ALDH6A1: variants seen among roughly 807,000 people sequenced by gnomAD.
The protein encoded by ALDH6A1 is aldehyde dehydrogenase 6 family member A1, also known as methylmalonate-semialdehyde/malonate-semialdehyde dehydrogenase [acylating], mitochondrial.
Under a neutral mutation model 62.6 loss-of-function variants are expected in ALDH6A1, and 43 were observed. The observed-to-expected ratio is 0.69, with a 90% CI of 0.54 to 0.89. The LOEUF (loss-of-function observed/expected upper bound fraction) is 0.89. Among genes scored for constraint, ALDH6A1 ranks in the 40% least tolerant of loss-of-function variants. ALDH6A1 has a pLI of 0.00. For synonymous variants in ALDH6A1, 194 were observed against 234.2 expected (o/e 0.83, Z 1.57); for missense variants, 551 against 661.3 (o/e 0.83, Z 1.83).
In ALDH6A1 at chr14:74,071,180, C is replaced by G. The variant is rs1301625276; in HGVS notation, c.730+15G>C. The G allele has an allele frequency of 6.2e-7, 1 of 1,610,280 alleles. No individual in the cohort carries two copies. Among genetic ancestry groups the G allele is most frequent in the Non-Finnish European group, 8.5e-7 (1 of 1,176,726 alleles). ...GGTAGCCAGATTAAGTAGCCATATG[C>G]ATAAGGGCAGTTACCTTCATGCTGT... On this transcript the variant is annotated intron_variant, in intron 6 of 11. Coordinates refer to ENST00000553458, the MANE Select transcript of ALDH6A1 (RefSeq NM_005589.4).
At chr14:74,064,673 T>C in intron 11 of ALDH6A1, 149 bp downstream of exon 11, 3 of 1,614,034 alleles carry the variant, frequency 1.9e-6, no homozygotes, top group Non-Finnish European at 2.5e-6. Context: ...TTGTTAACTT[T>C]TAAATCTTTT....
intron 1 of ALDH6A1, chr14:74,078,453 A>G: frequency 3.7e-6 from 1 of 271,562 alleles, no homozygotes; most frequent in Non-Finnish European, 7.3e-6. Context: ...TCCTGGGCTC[A>G]AGCCATCTTC....
chr14:74,065,569 G>T, intron 9 of ALDH6A1: 1 of 570,454 alleles, frequency 1.8e-6, no homozygotes. Flanking sequence ...AAACAACTTG[G>T]AATTCCTATC....
intron 1 of ALDH6A1, chr14:74,078,286 A>C (rs1330383802): frequency 4.4e-6 from 2 of 455,844 alleles, no homozygotes; most frequent in South Asian, 3.1e-5. Flanking sequence ...GGTAGCCAGC[A>C]AGCTCCATGC....
Position 74,057,432 on chromosome 14 carries a change from A to C in ALDH6A1, c.*3210T>G. 6.6e-7 allele frequency: 1 copy of C among 1,505,932 alleles called. No individual in the cohort carries two copies. Among genetic ancestry groups the C allele is most frequent in the Non-Finnish European group, 8.8e-7 (1 of 1,130,550 alleles). 93.3% of individuals were successfully genotyped at this position (1,505,932 alleles called of 1,614,324 possible). ...AATTTTTAAAGCAATATCCGTACAA[A>C]TGCATATTATACTAATGCAAATGCA... is the stretch of plus-strand genomic sequence containing the variant. On this transcript the variant is annotated 3_prime_UTR_variant, in exon 12 of 12. Coordinates refer to ENST00000553458, the MANE Select transcript of ALDH6A1 (RefSeq NM_005589.4).
chr14:74,076,015 G>T (rs1474644495), intron 1 of ALDH6A1, among the ~76,000 whole-genome samples: 1 of 152,146 alleles, frequency 6.6e-6, no homozygotes, highest in Non-Finnish European at 1.5e-5. Flanking sequence ...TAACACTAGA[G>T]AATGCAAACA....
intron 3 of ALDH6A1, 61 bp downstream of exon 3, chr14:74,072,476 G>T: frequency 6.2e-7 from 1 of 1,612,974 alleles, no homozygotes; most frequent in East Asian, 2.2e-5. Context: ...GTCCCTTCTT[G>T]CCCATCATGT....
At chr14:74,081,869 G>A (rs563187727) in intron 1 of ALDH6A1, among the ~76,000 whole-genome samples, 69 of 152,212 alleles carry the variant, frequency 4.5e-4, no homozygotes, top group Admixed American at 1.4e-3. Context: ...TTACTAGTTC[G>A]GTAACCATAT....
intron 8 of ALDH6A1, 95 bp downstream of exon 8, chr14:74,067,285 C>T (rs559759955): frequency 7.3e-7 from 1 of 1,373,700 alleles, no homozygotes. Flanking sequence ...CAAGAATAGA[C>T]ATGATTGTTC....
rs2139721320 is a variant in ALDH6A1 at position 74,060,221 on chromosome 14, A to C, written c.*421T>G. The C allele has an allele frequency of 6.1e-6, 1 of 162,684 alleles. No homozygotes were observed. Among genetic ancestry groups the C allele is most frequent in the Middle Eastern group, 3.1e-3 (1 of 320 alleles). 10.1% of individuals were successfully genotyped at this position (162,684 alleles called of 1,614,324 possible). On this transcript the variant is annotated 3_prime_UTR_variant, in exon 12 of 12. Coordinates refer to ENST00000553458, the MANE Select transcript of ALDH6A1 (RefSeq NM_005589.4). The stretch of plus-strand genomic sequence containing the variant: ...GATACGGGGTTTCGCCACGTTCTTC[A>C]ACTCCTGGGCTCAAGCAATCTGCCC...
In ALDH6A1 at chr14:74,066,666, G is replaced by A. The variant is rs756490138; in HGVS notation, c.1224+39C>T. On this transcript the variant is annotated intron_variant, in intron 9 of 11. Coordinates refer to ENST00000553458, the MANE Select transcript of ALDH6A1 (RefSeq NM_005589.4). Reference sequence around the variant, plus strand: ...GATGAGATTCTATAGCCTTTAAGGTGCCTTCAGCTCTCATATTTGTGAAGT... The same window carrying A: ...GATGAGATTCTATAGCCTTTAAGGTACCTTCAGCTCTCATATTTGTGAAGT... 2.5e-6 allele frequency: 4 copies of A among 1,573,586 alleles called. No individual in the cohort carries two copies. The South Asian group carries it at 3.3e-5, about 13-fold the overall frequency.
At chr14:74,078,867 G>A (rs752698780) in intron 1 of ALDH6A1, among the ~76,000 whole-genome samples, 3 of 151,692 alleles carry the variant, frequency 2.0e-5, no homozygotes, top group Non-Finnish European at 4.4e-5. Context: ...GTTTCACCTT[G>A]TTGGCCAGGT....
intron 6 of ALDH6A1, among the ~76,000 whole-genome samples, chr14:74,070,477 C>T (rs942113197): frequency 1.3e-5 from 2 of 152,136 alleles, no homozygotes; most frequent in Non-Finnish European, 2.9e-5. Flanking sequence ...CGAGATCGCA[C>T]CACTGCTCTC....
chr14:74,076,994 T>C (rs2060620068), intron 1 of ALDH6A1, among the ~76,000 whole-genome samples: 1 of 152,174 alleles, frequency 6.6e-6, no homozygotes, highest in African/African-American at 2.4e-5. Flanking sequence ...TTAACCAGAG[T>C]ATAGAGCTGC....
intron 6 of ALDH6A1, chr14:74,070,781 A>G (rs547311175): frequency 4.8e-6 from 1 of 207,720 alleles, no homozygotes; most frequent in Admixed American, 5.3e-5. Context: ...TTAATAGATA[A>G]AAAGCACTAG....
At chr14:74,077,769 T>C (rs777617717) in intron 1 of ALDH6A1, among the ~76,000 whole-genome samples, 1 of 152,152 alleles carries the variant, frequency 6.6e-6, no homozygotes, top group Non-Finnish European at 1.5e-5. Flanking sequence ...ACCAACCATA[T>C]CCAAGCCACA....
At position 74,065,229 on chromosome 14, in the gene ALDH6A1, G is replaced by C. The variant is rs1566828545; in HGVS notation, c.1356C>G (p.Thr452=). ...PYGNGTAIFT[T]NGATARKYAH... ...CATATTTCCGAGCAGTGGCTCCATT[G>C]GTGGTGAAGATGGCAGTTCCATTTC... The change falls in exon 10 of 12, where the codon ACC becomes ACG. Residue 452 remains threonine, a synonymous_variant. Coordinates refer to ENST00000553458, the MANE Select transcript of ALDH6A1 (RefSeq NM_005589.4). 1 of 1,614,000 alleles carries C rather than the reference G, an allele frequency of 6.2e-7. No homozygotes were observed. The highest frequency in any genetic ancestry group is 8.5e-7 in the Non-Finnish European group (1 of 1,180,014).
chr14:74,071,757 AT>A (rs1399280751), intron 5 of ALDH6A1, 138 bp downstream of exon 5: 2 of 1,448,410 alleles, frequency 1.4e-6, no homozygotes, highest in African/African-American at 2.8e-5. Flanking sequence ...GAATACTGCC[AT>A]TTTTCACAAG....
At position 74,056,933 on chromosome 14, in the gene ALDH6A1, A is replaced by C. The variant is rs749080453; in HGVS notation, c.*3709T>G. The C allele has an allele frequency of 1.9e-6, 3 of 1,613,816 alleles. No homozygotes were observed. In the East Asian group the frequency reaches 6.7e-5, roughly 36 times the overall value. On this transcript the variant is annotated 3_prime_UTR_variant, in exon 12 of 12. Coordinates refer to ENST00000553458, the MANE Select transcript of ALDH6A1 (RefSeq NM_005589.4). ...AATACAACCAGAGTTCTAGGCCTCCAGTTCCAGACTATGTTGTTTCTGACA... is the reference window on the plus strand; with the variant it reads ...AATACAACCAGAGTTCTAGGCCTCCCGTTCCAGACTATGTTGTTTCTGACA...
Sources: allele counts gnomAD v4.1 joint callset (sites outside exome capture counted in the v4.1 genomes callset), GRCh38; gene constraint gnomAD v4.1.1; transcripts MANE v1.5; gene names NCBI Gene and HGNC (gene_info 2026-07-23, HGNC 2026-07-21).